The following WDFY3 variants were observed in gnomAD, a reference collection of about 807,000 sequenced individuals.
WDFY3 encodes the protein WD repeat and FYVE domain-containing protein 3.
Under a neutral mutation model 409.6 loss-of-function variants are expected in WDFY3, and 66 were observed. The ratio of observed to expected loss-of-function variants is 0.16; its 90% confidence interval spans 0.13 to 0.20. The LOEUF is 0.20. WDFY3 is among the 10% of genes least tolerant of loss of function. WDFY3 has a pLI of 1.00. For synonymous variants in WDFY3, 1,521 were observed against 1,537.1 expected, an observed-to-expected ratio of 0.99 and a Z score of 0.25; for missense variants, 3,031 against 4,298.1, an observed-to-expected ratio of 0.71 and a Z score of 8.24.
At chr4:84,890,111 AT>A (rs1474846081) in intron 3 of WDFY3, among the ~76,000 whole-genome samples, 1 of 150,630 alleles carries the variant, frequency 6.6e-6, no homozygotes, top group Non-Finnish European at 1.5e-5. Flanking sequence ...GCTTTTTTTT[AT>A]TTTTTTTTAA....
intron 40 of WDFY3, among the ~76,000 whole-genome samples, chr4:84,738,765 A>G (rs915509365): frequency 6.6e-6 from 1 of 152,200 alleles, no homozygotes; most frequent in Non-Finnish European, 1.5e-5. Flanking sequence ...ACTTCTACTT[A>G]AGCAAATGTA....
intron 61 of WDFY3, among the ~76,000 whole-genome samples, chr4:84,689,283 A>G (rs557813635): frequency 1.2e-4 from 19 of 152,356 alleles, no homozygotes; most frequent in African/African-American, 4.6e-4. Context: ...TGTGCATAAT[A>G]TAAAAAAAGA....
chr4:84,814,813 G>C (rs767167304), intron 13 of WDFY3, among the ~76,000 whole-genome samples: 2 of 152,072 alleles, frequency 1.3e-5, no homozygotes, highest in African/African-American at 2.4e-5. Flanking sequence ...TCACAGGTAT[G>C]AATATACACA....
At chr4:84,726,949 A>G (rs1735758871) in intron 44 of WDFY3, 38 bp from the exon 45 acceptor site, 1 of 1,549,224 alleles carries the variant, frequency 6.5e-7, no homozygotes, top group Non-Finnish European at 8.7e-7. Flanking sequence ...TATCAGAAAA[A>G]AAAACATAAA....
chr4:84,871,807 G>A (rs1206810428), intron 3 of WDFY3, among the ~76,000 whole-genome samples: 1 of 152,026 alleles, frequency 6.6e-6, no homozygotes, highest in East Asian at 1.9e-4. Flanking sequence ...GTTAATTTTT[G>A]TATTTTCTGT....
chr4:84,894,198 A>G (rs1030175450), intron 3 of WDFY3, among the ~76,000 whole-genome samples: 2 of 152,182 alleles, frequency 1.3e-5, no homozygotes, highest in South Asian at 2.1e-4. Flanking sequence ...TCAAAACAAT[A>G]TATGTTAAAT....
At chr4:84,823,984 T>C (rs1285997930) in intron 10 of WDFY3, among the ~76,000 whole-genome samples, 1 of 152,184 alleles carries the variant, frequency 6.6e-6, no homozygotes. Flanking sequence ...AAATGTCCAC[T>C]GTAGCTTTAT....
intron 43 of WDFY3, 113 bp downstream of exon 43, chr4:84,734,930 C>T (rs113527554): frequency 5.9e-5 from 48 of 808,568 alleles, no homozygotes; most frequent in African/African-American, 1.6e-4. Context: ...CATCTGATGA[C>T]GAATGCAGTC....
chr4:84,822,134 TCAAACGTAC>T (rs1268399604), intron 10 of WDFY3, among the ~76,000 whole-genome samples: 2 of 152,270 alleles, frequency 1.3e-5, no homozygotes, highest in East Asian at 3.9e-4. Context: ...GGCCAGCTAT[TCAAACGTAC>T]CAAATGGGGA....
At chr4:84,762,173 T>C (rs993435852) in intron 32 of WDFY3, among the ~76,000 whole-genome samples, 11 of 151,794 alleles carry the variant, frequency 7.2e-5, no homozygotes, top group African/African-American at 2.4e-4. Flanking sequence ...CATATGTTTA[T>C]TGCGGCACTA....
intron 5 of WDFY3, among the ~76,000 whole-genome samples, 187 bp from the exon 6 acceptor site, chr4:84,841,450 G>A (rs1757340346): frequency 6.6e-6 from 1 of 152,116 alleles, no homozygotes; most frequent in Non-Finnish European, 1.5e-5. Context: ...CATTAATACA[G>A]AAATGTAAAA....
intron 19 of WDFY3, 65 bp downstream of exon 19, chr4:84,796,456 T>C (rs1749460309): frequency 1.0e-6 from 1 of 1,004,004 alleles, no homozygotes; most frequent in Non-Finnish European, 1.3e-6. Context: ...AAACCAAAGA[T>C]CTATTTGTAA....
Position 84,715,368 on chromosome 4 carries a change from C to T in WDFY3, c.7891G>A (p.Val2631Ile). ...TAATTCCGTCCATCTCCAGAGAAAA[C>T]TTCCACAGCAATAGGCTGAAATGAT... ...RYLLQPIAVE[V>I]FSGDGRNYLL... The change falls in exon 50 of 68, where the codon GTT (valine) becomes ATT (isoleucine). Residue 2631 changes from valine (V) to isoleucine (I), a missense_variant. Val to Ile is a conservative substitution (Grantham distance 29). This residue lies in a region of WDFY3 where 45 missense variants were observed against 121.8 expected (regional missense o/e 0.37). Coordinates refer to ENST00000295888, the MANE Select transcript of WDFY3 (RefSeq NM_014991.6). The T allele has an allele frequency of 1.2e-6, 2 of 1,602,248 alleles. No individual in the cohort carries two copies. Among genetic ancestry groups the T allele is most frequent in the Non-Finnish European group, 1.7e-6 (2 of 1,169,810 alleles).
At position 84,691,924 on chromosome 4, in the gene WDFY3, G is replaced by A. The variant is rs1009403397; in HGVS notation, c.9050-139C>T. On this transcript the variant is annotated intron_variant, in intron 59 of 67. Coordinates refer to ENST00000295888, the MANE Select transcript of WDFY3 (RefSeq NM_014991.6). The stretch of plus-strand genomic sequence containing the variant: ...TTGAGAAAAAATGATCTCTGAAATA[G>A]AGCTGGGCTTTTGAATCTCCTACAA... The A allele has an allele frequency of 1.1e-5, 10 of 894,776 alleles. No homozygotes were observed. In the African/African-American group the frequency reaches 1.7e-4, roughly 15 times the overall value. 55.4% of individuals were successfully genotyped at this position (894,776 alleles called of 1,614,324 possible).
chr4:84,866,833 A>G (rs1271132670), intron 3 of WDFY3, among the ~76,000 whole-genome samples: 2 of 152,172 alleles, frequency 1.3e-5, no homozygotes, highest in African/African-American at 2.4e-5. Flanking sequence ...AACGCCAAGG[A>G]CCTGGACATC....
chr4:84,947,737 C>A (rs1773080575), intron 1 of WDFY3, among the ~76,000 whole-genome samples: 1 of 146,328 alleles, frequency 6.8e-6, no homozygotes, highest in African/African-American at 2.5e-5. Flanking sequence ...AAAACATTAG[C>A]CAGGCATGGT....
rs1290658966 is a variant in WDFY3 at position 84,775,053 on chromosome 4, A to G, written c.4592+12T>C. ...TAGCTGAATAATTAACTACGTGGGT[A>G]TTAATTAATACCTGGACTCTGTGAG... is the stretch of plus-strand genomic sequence containing the variant. On this transcript the variant is annotated intron_variant, in intron 28 of 67. Transcript: ENST00000295888. The G allele has an allele frequency of 1.2e-6, 2 of 1,613,150 alleles. No homozygotes were observed. Among genetic ancestry groups the G allele is most frequent in the Admixed American group, 3.3e-5 (2 of 59,958 alleles).
In WDFY3 at chr4:84,741,914, A is replaced by G; in HGVS notation, c.6081T>C (p.Asp2027=). The change falls in exon 38 of 68, where the codon GAT becomes GAC. Residue 2027 remains aspartate (D), a synonymous_variant. Transcript: ENST00000295888. ...LLAADVLLGE[D]ASLPITSGGS... ...CTCCACTGGTAATAGGCAGAGATGC[A>G]TCTTCCCCTAAATTCCAGTAGGAAA... 1 of 1,582,874 alleles carries G rather than the reference A, an allele frequency of 6.3e-7. No individual in the cohort carries two copies. Among genetic ancestry groups the G allele is most frequent in the Non-Finnish European group, 8.6e-7 (1 of 1,159,658 alleles).
At chr4:84,704,474 A>C (rs1411026132) in intron 54 of WDFY3, 30 bp from the exon 55 acceptor site, 1 of 1,498,368 alleles carries the variant, frequency 6.7e-7, no homozygotes, top group South Asian at 1.2e-5. Flanking sequence ...CACAATTGAA[A>C]CCAAAAGAAG....
Sources: allele counts gnomAD v4.1 joint callset (sites outside exome capture counted in the v4.1 genomes callset), GRCh38; gene constraint gnomAD v4.1.1; regional missense constraint gnomAD v4.1.1; transcripts MANE v1.5; gene names NCBI Gene and HGNC (gene_info 2026-07-23, HGNC 2026-07-21).